The following ATF6 variants were observed in gnomAD, a reference collection of about 807,000 sequenced individuals.
ATF6 encodes the protein activating transcription factor 6.
ATF6 carries 53 observed loss-of-function variants against 83.6 expected under a neutral mutation model. That is an observed-to-expected ratio of 0.63 (90% CI 0.51 to 0.80). The LOEUF is 0.80. Among genes scored for constraint, ATF6 ranks in the 30% least tolerant of loss-of-function variants. The probability of loss-of-function intolerance (pLI) is 0.00; values close to 1 mark genes in which losing one functional copy is unlikely to be tolerated. For synonymous variants in ATF6, 288 were observed against 285.8 expected (o/e 1.01, Z -0.08); for missense variants, 744 against 797.9 (o/e 0.93, Z 0.81).
At chr1:161,897,657 A>G (rs1266362176) in intron 14 of ATF6, among the ~76,000 whole-genome samples, 1 of 152,214 alleles carries the variant, frequency 6.6e-6, no homozygotes, top group Non-Finnish European at 1.5e-5. Context: ...TGGTCAGTAC[A>G]GTAGTCACTA....
At chr1:161,904,602 A>C (rs1687847748) in intron 14 of ATF6, among the ~76,000 whole-genome samples, 1 of 150,412 alleles carries the variant, frequency 6.6e-6, no homozygotes, top group Non-Finnish European at 1.5e-5. Flanking sequence ...AACAAAACAA[A>C]AAAACAAAAA....
At chr1:161,843,355 C>A (rs1323794056) in intron 9 of ATF6, among the ~76,000 whole-genome samples, 1 of 152,116 alleles carries the variant, frequency 6.6e-6, no homozygotes, top group East Asian at 1.9e-4. Context: ...TGAAGACTTG[C>A]TGTATTCTGA....
chr1:161,791,259 T>C, intron 4 of ATF6, 149 bp from the exon 5 acceptor site: 1 of 481,900 alleles, frequency 2.1e-6, no homozygotes, highest in Non-Finnish European at 3.5e-6. Context: ...AGTCACTTAT[T>C]ACTTAATATA....
At chr1:161,911,463 G>A (rs1002922675) in intron 14 of ATF6, among the ~76,000 whole-genome samples, 1 of 152,086 alleles carries the variant, frequency 6.6e-6, no homozygotes, top group Non-Finnish European at 1.5e-5. Context: ...AGCTTCTCTT[G>A]GCTTATTCTT....
intron 9 of ATF6, among the ~76,000 whole-genome samples, chr1:161,837,622 A>ATTT (rs569010142): frequency 1.9e-4 from 27 of 144,438 alleles, no homozygotes; most frequent in South Asian, 6.5e-4. Flanking sequence ...CCTTTCTCCC[A>ATTT]TTTTTTTTTT....
At chr1:161,767,483 A>G (rs1457435255) in intron 1 of ATF6, among the ~76,000 whole-genome samples, 1 of 152,214 alleles carries the variant, frequency 6.6e-6, no homozygotes, top group Non-Finnish European at 1.5e-5. Context: ...AGCCAAATGC[A>G]TTAGTGACAG....
intron 15 of ATF6, among the ~76,000 whole-genome samples, chr1:161,934,714 A>T (rs1052901746): frequency 6.6e-6 from 1 of 152,140 alleles, no homozygotes; most frequent in South Asian, 2.1e-4. Context: ...ATATGTTTTC[A>T]TGGCACTTAG....
At position 161,920,294 on chromosome 1, in the gene ATF6, C is replaced by CTTTTT. The variant is rs71798307; in HGVS notation, c.1804+7928_1804+7932dup. On this transcript the variant is annotated intron_variant, in intron 15 of 15. Coordinates refer to ENST00000367942, the MANE Select transcript of ATF6 (RefSeq NM_007348.4). Reference sequence around the variant, plus strand: ...TAGTTCTCTTTCTCTCTCTCTCTCTCTTTTTTTTTTTTTTTTTTGAGACAG... The same window carrying CTTTTT: ...TAGTTCTCTTTCTCTCTCTCTCTCTCTTTTTTTTTTTTTTTTTTTTTTTGAGACAG... Among the ~76,000 whole-genome samples, 13 of 54,840 alleles carry CTTTTT rather than the reference C, an allele frequency of 2.4e-4. 3 individuals carry two copies. In the South Asian group the frequency reaches 3.6e-3, roughly 15 times the overall value. 36.0% of individuals were successfully genotyped at this position (54,840 alleles called of 152,430 possible). A position where few individuals can be genotyped will look rare whatever the true frequency, so the allele number is the denominator to read the frequency against.
chr1:161,845,331 T>C (rs1686458790), intron 9 of ATF6, among the ~76,000 whole-genome samples: 1 of 152,194 alleles, frequency 6.6e-6, no homozygotes, highest in African/African-American at 2.4e-5. Flanking sequence ...ATAGAATCTT[T>C]TGTGCTTCTC....
chr1:161,807,865 CTTTT>C (rs761462420), intron 7 of ATF6, among the ~76,000 whole-genome samples: 1 of 32,308 alleles, frequency 3.1e-5, no homozygotes, highest in African/African-American at 1.1e-4. Flanking sequence ...AGTTTGTCAT[CTTTT>C]TTTTTTTTTT....
intron 6 of ATF6, among the ~76,000 whole-genome samples, chr1:161,798,354 C>T (rs1215018708): frequency 2.0e-5 from 3 of 152,200 alleles, no homozygotes; most frequent in Admixed American, 2.0e-4. Flanking sequence ...TGGTTCACAC[C>T]TGTAATCCCA....
chr1:161,853,274 C>T lies in ATF6; in HGVS notation c.1484C>T (p.Thr495Ile). The change falls in exon 12 of 16, where the codon ACC becomes ATC. Residue 495 changes from threonine to isoleucine, a missense_variant. Transcript: ENST00000367942. ...GTTCATAGACATGAAGTAGAAAGGA[C>T]CAAGTCAAGAAGAATGACAAATAAT... ...GWVHRHEVERTKSRRMTNNQQ... is the reference protein window; with the variant it reads ...GWVHRHEVERIKSRRMTNNQQ... 6.2e-7 allele frequency: 1 copy of T among 1,613,832 alleles called. No homozygotes were observed. Among genetic ancestry groups the T allele is most frequent in the East Asian group, 2.2e-5 (1 of 44,876 alleles).
At chr1:161,917,765 A>G (rs1400173567) in intron 15 of ATF6, among the ~76,000 whole-genome samples, 1 of 152,226 alleles carries the variant, frequency 6.6e-6, no homozygotes, top group Admixed American at 6.5e-5. Context: ...CAAAGTTAAT[A>G]TACATTGAAC....
chr1:161,829,189 C>CTTTTTTTTTTTTTTTTTTTTT (rs35619050), intron 9 of ATF6, among the ~76,000 whole-genome samples: 6 of 72,596 alleles, frequency 8.3e-5, no homozygotes, highest in African/African-American at 1.6e-4. Context: ...TAATGGGAGA[C>CTTTTTTTTTTTTTTTTTTTTT]TTTTTTTTTT....
chr1:161,771,365 C>G (rs1424754722), intron 1 of ATF6, among the ~76,000 whole-genome samples: 1 of 152,154 alleles, frequency 6.6e-6, no homozygotes, highest in Non-Finnish European at 1.5e-5. Flanking sequence ...GGCTTTCTAG[C>G]ACTAAATCAA....
intron 7 of ATF6, among the ~76,000 whole-genome samples, chr1:161,805,031 C>G (rs1685244588): frequency 6.6e-6 from 1 of 151,838 alleles, no homozygotes; most frequent in Non-Finnish European, 1.5e-5. Flanking sequence ...GAAACAAAAG[C>G]TAATACTTAT....
chr1:161,837,337 T>C (rs982577656), intron 9 of ATF6, among the ~76,000 whole-genome samples: 7 of 152,228 alleles, frequency 4.6e-5, no homozygotes, highest in African/African-American at 1.7e-4. Flanking sequence ...ATTTTAAGTG[T>C]CATTCTACAA....
At chr1:161,948,909 G>A (rs1199932700) in intron 15 of ATF6, among the ~76,000 whole-genome samples, 2 of 152,236 alleles carry the variant, frequency 1.3e-5, no homozygotes, top group African/African-American at 2.4e-5. Flanking sequence ...TTAAAAAGCA[G>A]CCAAGTTCAG....
At chr1:161,828,627 T>C (rs549409985) in intron 9 of ATF6, among the ~76,000 whole-genome samples, 2 of 152,326 alleles carry the variant, frequency 1.3e-5, no homozygotes, top group South Asian at 2.1e-4. Context: ...TGTTATTAAG[T>C]ACCTATCTTG....
Sources: gnomAD v4.1 joint callset for allele counts (sites outside exome capture counted in the v4.1 genomes callset) on GRCh38, gnomAD v4.1.1 for gene constraint, MANE v1.5 for transcripts, NCBI Gene and HGNC (gene_info 2026-07-23, HGNC 2026-07-21) for gene names.